Variants in ZNF385D observed in about 807,000 individuals in gnomAD.
The protein encoded by ZNF385D is zinc finger protein 659.
Under a neutral mutation model 35.8 loss-of-function variants are expected in ZNF385D, and 15 were observed. That is an observed-to-expected ratio of 0.42 (90% CI 0.28 to 0.64). ZNF385D has a LOEUF of 0.64. Ranked by LOEUF, ZNF385D falls within the 30% of genes least tolerant of loss-of-function variation. The pLI is 0.23. For missense variants in ZNF385D, 474 were observed against 494.6 expected (o/e 0.96, Z 0.39); for synonymous variants, 212 against 186.8 (o/e 1.13, Z -1.10).
At chr3:21,765,099 G>A (rs899663919) in intron 3 of ZNF385D, among the ~76,000 whole-genome samples, 5 of 151,972 alleles carry the variant, frequency 3.3e-5, no homozygotes, top group African/African-American at 1.2e-4. Context: ...GTCTTTATAA[G>A]TACAGTAGTA....
rs1395100804 is a variant in ZNF385D, at chr3:21,682,578, AG to A, written c.23-17551del. On this transcript the variant is annotated intron_variant, in intron 1 of 7. Transcript: ENST00000281523. ...GGTCCTTTAATAGAAATGAAAGTCAAGGGTTAATCTTTTTTAGGGAAATGAG... is the reference window on the plus strand; with the variant it reads ...GGTCCTTTAATAGAAATGAAAGTCAAGGTTAATCTTTTTTAGGGAAATGAG... Among the ~76,000 whole-genome samples the A allele has an allele frequency of 2.0e-5, 3 of 150,188 alleles. 1 individual carries two copies. Among genetic ancestry groups the A allele is most frequent in the Non-Finnish European group, 4.4e-5 (3 of 67,452 alleles).
intron 4 of ZNF385D, among the ~76,000 whole-genome samples, chr3:21,505,923 A>G (rs1331394953): frequency 6.6e-6 from 1 of 152,094 alleles, no homozygotes; most frequent in Non-Finnish European, 1.5e-5. Flanking sequence ...CAACCGTTTC[A>G]GCATAAATTC....
At chr3:22,115,214 G>C (rs567678597) in intron 3 of ZNF385D, among the ~76,000 whole-genome samples, 4 of 152,020 alleles carry the variant, frequency 2.6e-5, no homozygotes, top group Non-Finnish European at 4.4e-5. Context: ...GAGCAGATTT[G>C]GTCAGGCCAT....
At chr3:22,113,992 A>G (rs369928133) in intron 3 of ZNF385D, among the ~76,000 whole-genome samples, 2 of 152,124 alleles carry the variant, frequency 1.3e-5, no homozygotes, top group East Asian at 3.9e-4. Flanking sequence ...TTAAATTGAG[A>G]AAAGTAATAT....
chr3:22,289,295 G>A (rs577536055), intron 2 of ZNF385D, among the ~76,000 whole-genome samples: 1 of 152,106 alleles, frequency 6.6e-6, no homozygotes, highest in African/African-American at 2.4e-5. Flanking sequence ...AATCTAGGTG[G>A]GTAGGGAGTC....
chr3:21,996,208 T>A (rs1457764416), intron 3 of ZNF385D, among the ~76,000 whole-genome samples: 3 of 152,146 alleles, frequency 2.0e-5, no homozygotes, highest in Non-Finnish European at 4.4e-5. Context: ...CCCAGCAGCT[T>A]CCTATACTAG....
At chr3:22,044,478 G>C (rs542715493) in intron 3 of ZNF385D, among the ~76,000 whole-genome samples, 87 of 152,138 alleles carry the variant, frequency 5.7e-4, no homozygotes, top group Non-Finnish European at 1.1e-3. Context: ...TTTTTAAAAA[G>C]ACACAGGCTG....
intron 4 of ZNF385D, among the ~76,000 whole-genome samples, chr3:21,448,086 C>A (rs1283514541): frequency 1.3e-5 from 2 of 152,034 alleles, no homozygotes; most frequent in African/African-American, 4.8e-5. Context: ...GTTTTAATCA[C>A]CAGAAAGTTA....
intron 3 of ZNF385D, among the ~76,000 whole-genome samples, chr3:22,134,662 T>C (rs1456972094): frequency 6.6e-6 from 1 of 152,140 alleles, no homozygotes. Flanking sequence ...ACAGAATCCC[T>C]AAGACTGTAT....
intron 1 of ZNF385D, among the ~76,000 whole-genome samples, chr3:21,748,260 C>A (rs1032970793): frequency 2.6e-5 from 4 of 152,146 alleles, no homozygotes; most frequent in African/African-American, 9.7e-5. Context: ...TTCTTGAGAT[C>A]TGAAAATATT....
At chr3:22,106,525 C>G (rs544211795) in intron 3 of ZNF385D, among the ~76,000 whole-genome samples, 20 of 152,204 alleles carry the variant, frequency 1.3e-4, no homozygotes, top group African/African-American at 4.8e-4. Context: ...GTCTTCTTTC[C>G]AGATATGACT....
At chr3:21,727,111 C>T (rs1240188053) in intron 1 of ZNF385D, among the ~76,000 whole-genome samples, 1 of 152,128 alleles carries the variant, frequency 6.6e-6, no homozygotes, top group East Asian at 1.9e-4. Flanking sequence ...GGAAAACTGG[C>T]TAGCTATATG....
Position 21,964,470 on chromosome 3 carries a change from A to ATT in ZNF385D, c.325+204345_325+204346dup, listed in dbSNP as rs377650103. On this transcript the variant is annotated intron_variant, in intron 3 of 5. Transcript: ENST00000494108. ...AAGAAAAAGATGTCCAATTTCTCAG[A>ATT]TTTTTTTTTTTTTTTTTTTTTTTTT... Among the ~76,000 whole-genome samples, 154 of 68,152 alleles carry ATT rather than the reference A, an allele frequency of 2.3e-3. 4 individuals carry two copies. The highest frequency in any genetic ancestry group is 4.8e-3 in the East Asian group (10 of 2,104). 44.7% of individuals were successfully genotyped at this position (68,152 alleles called of 152,430 possible). A position where few individuals can be genotyped will look rare whatever the true frequency, so the allele number is the denominator to read the frequency against.
intron 1 of ZNF385D, among the ~76,000 whole-genome samples, chr3:21,736,447 T>C (rs2069246321): frequency 6.6e-6 from 1 of 152,262 alleles, no homozygotes; most frequent in South Asian, 2.1e-4. Flanking sequence ...TGCCTCTTAA[T>C]GCCCACCGAC....
chr3:22,272,920 G>A (rs1030166197), intron 2 of ZNF385D, among the ~76,000 whole-genome samples: 12 of 151,832 alleles, frequency 7.9e-5, no homozygotes, highest in East Asian at 1.9e-4. Flanking sequence ...TTTCAGAAAC[G>A]ATCAGAAATA....
intron 2 of ZNF385D, among the ~76,000 whole-genome samples, chr3:22,258,871 T>C (rs1700459629): frequency 6.6e-6 from 1 of 151,864 alleles, no homozygotes; most frequent in Non-Finnish European, 1.5e-5. Flanking sequence ...TTTGCTTTGG[T>C]ATTCAATCTG....
At chr3:22,220,700 T>C (rs114871745) in intron 2 of ZNF385D, among the ~76,000 whole-genome samples, 2,286 of 152,302 alleles carry the variant, frequency 0.015, 31 homozygotes, top group Non-Finnish European at 0.023. Flanking sequence ...TGTGATTACA[T>C]AGACTCTTAT....
chr3:22,175,945 C>T (rs1269754143), intron 2 of ZNF385D, among the ~76,000 whole-genome samples: 3 of 149,430 alleles, frequency 2.0e-5, no homozygotes, highest in Non-Finnish European at 4.4e-5. Context: ...ATATTTATAA[C>T]ATTAGCATTT....
At chr3:21,982,251 G>C (rs186223117) in intron 3 of ZNF385D, among the ~76,000 whole-genome samples, 1 of 151,800 alleles carries the variant, frequency 6.6e-6, no homozygotes, top group African/African-American at 2.4e-5. Context: ...TTATTTCTTT[G>C]AGCAATGTTT....
Sources: allele counts gnomAD v4.1 joint callset (sites outside exome capture counted in the v4.1 genomes callset), GRCh38; gene constraint gnomAD v4.1.1; transcripts MANE v1.5; gene names NCBI Gene and HGNC (gene_info 2026-07-23, HGNC 2026-07-21).